Variants in BOD1L1 observed in about 807,000 individuals in gnomAD.
BOD1L1 encodes the protein biorientation of chromosomes in cell division 1 like 1, also known as biorientation of chromosomes in cell division protein 1-like 1.
BOD1L1 carries 86 observed loss-of-function variants against 240.7 expected under a neutral mutation model. The observed-to-expected ratio is 0.36, with a 90% CI of 0.30 to 0.43. The LOEUF (loss-of-function observed/expected upper bound fraction) is 0.43. Among genes scored for constraint, BOD1L1 ranks in the 20% least tolerant of loss-of-function variants. The pLI, the probability that BOD1L1 is intolerant of heterozygous loss-of-function variation, is 1.00. For missense variants in BOD1L1, 3,554 were observed against 3,643.5 expected, an observed-to-expected ratio of 0.98 and a Z score of 0.63; for synonymous variants, 1,268 against 1,272.3, an observed-to-expected ratio of 1.00 and a Z score of 0.07.
chr4:13,608,734 T>C (rs1715927084), intron 7 of BOD1L1, 66 bp from the exon 8 acceptor site: 1 of 1,287,004 alleles, frequency 7.8e-7, no homozygotes, highest in Non-Finnish European at 1.0e-6. Flanking sequence ...ATATTAATTT[T>C]TCATTAAGAT....
At position 13,602,352 on chromosome 4, in the gene BOD1L1, A is replaced by G. The variant is rs1715264186; in HGVS notation, c.4548T>C (p.Ser1516=). 1.2e-6 allele frequency: 2 copies of G among 1,613,854 alleles called. No individual in the cohort carries two copies. The highest frequency in any genetic ancestry group is 2.7e-5 in the African/African-American group (2 of 74,914). Residue 1516 remains serine, a synonymous_variant, in exon 10 of 26, where the codon TCT becomes TCC. Coordinates refer to ENST00000040738, the MANE Select transcript of BOD1L1 (RefSeq NM_148894.3). The part of the protein sequence containing the change: ...ATGPRRAEKT[S]VATSTEGKDK... ...CCTTCCCTTCAGTACTAGTGGCAAC[A>G]GAAGTCTTTTCTGCTCTCCTAGGCC...
At position 13,576,765 on chromosome 4, in the gene BOD1L1, C is replaced by T. The variant is rs1250144799; in HGVS notation, c.9038+73G>A. ...GAATGATTCAGTTCAAAGAGAATCC[C>T]AGAAAACCCAGAGCAATTTTCAGAT... is the stretch of plus-strand genomic sequence containing the variant. On this transcript the variant is annotated intron_variant, in intron 25 of 25. Transcript: ENST00000040738. The T allele has an allele frequency of 2.0e-6, 3 of 1,525,724 alleles. No homozygotes were observed. The African/African-American group carries it at 4.2e-5, about 21-fold the overall frequency. The allele number at this position is 1,525,724 out of a possible 1,614,324, so 94.5% of individuals were successfully genotyped here. A position where few individuals can be genotyped will look rare whatever the true frequency, so the allele number is the denominator to read the frequency against.
chr4:13,577,323 T>A, intron 24 of BOD1L1, 80 bp downstream of exon 24: 1 of 1,210,972 alleles, frequency 8.3e-7, no homozygotes, highest in Non-Finnish European at 1.2e-6. Context: ...CCCATTGGAT[T>A]TTTCCTCATT....
rs889351246 is a variant in BOD1L1 at position 13,602,257 on chromosome 4, C to T, written c.4643G>A (p.Ser1548Asn). The T allele has an allele frequency of 1.2e-6, 2 of 1,613,978 alleles. No individual in the cohort carries two copies. The highest frequency in any genetic ancestry group is 1.1e-5 in the South Asian group (1 of 91,072). ...GCTGGTGCAAGGCAAAGCCACCTCA[C>T]TTTGTCTTGTTTCTGAAGAAGTGGT... ...ATTTSSETRQ[S>N]EVALPCTSIE... Residue 1548 changes from serine (S) to asparagine (N), a missense_variant, in exon 10 of 26, where the codon AGT becomes AAT. Ser to Asn is a conservative substitution (Grantham distance 46). Transcript: ENST00000040738.
chr4:13,615,588 C>A, intron 2 of BOD1L1, 86 bp from the exon 3 acceptor site: 1 of 1,231,356 alleles, frequency 8.1e-7, no homozygotes, highest in South Asian at 1.6e-5. Context: ...TACAATCTGT[C>A]ATCTATCTAT....
chr4:13,611,012 G>C lies in BOD1L1; in HGVS notation c.1413C>G (p.Val471=). ...GKTKSVRHAY[V]HKPYLYSKYY... ...ATTTTGAGTAAAGATATGGTTTGTG[G>C]ACATACGCATGCCGTACACTTTTTG... The change falls in exon 6 of 26, where the codon GTC becomes GTG. Residue 471 remains valine (V), a synonymous_variant. Transcript: ENST00000040738. 6.2e-7 allele frequency: 1 copy of C among 1,612,340 alleles called. No homozygotes were observed. The highest frequency in any genetic ancestry group is 8.5e-7 in the Non-Finnish European group (1 of 1,178,720).
chr4:13,601,704 T>G lies in BOD1L1; in HGVS notation c.5196A>C (p.Ala1732=). The change falls in exon 10 of 26, where the codon GCA becomes GCC. Residue 1732 remains alanine, a synonymous_variant. Transcript: ENST00000040738. Reference sequence around the variant, plus strand: ...TCACAAAGTTATCACTTCTGCCTTCTGCTCCTGTACATGTCACAGTGCCCT... The same window carrying G: ...TCACAAAGTTATCACTTCTGCCTTCGGCTCCTGTACATGTCACAGTGCCCT... ...ETEGTVTCTG[A]EGRSDNFVIC... The G allele has an allele frequency of 6.2e-7, 1 of 1,614,042 alleles. No homozygotes were observed. The highest frequency in any genetic ancestry group is 8.5e-7 in the Non-Finnish European group (1 of 1,179,896).
Position 13,615,354 on chromosome 4 carries a change from C to G in BOD1L1, c.517G>C (p.Ala173Pro), listed in dbSNP as rs1716504282. 7 of 1,613,120 alleles carry G rather than the reference C, an allele frequency of 4.3e-6. No homozygotes were observed. The African/African-American group carries it at 8.0e-5, about 18-fold the overall frequency. ...NHKEEGSGNTAPDDEKPDTSL... is the reference protein window; with the variant it reads ...NHKEEGSGNTPPDDEKPDTSL... ...GTGTCTGGTTTCTCATCATCGGGAG[C>G]TGTGTTGCCACTTCCTTCCTCTTTG... The change falls in exon 3 of 26, where the codon GCT becomes CCT. Residue 173 changes from alanine (A) to proline (P), a missense_variant. Transcript: ENST00000040738.
At chr4:13,575,895 C>CTTTTTTTTTTT (rs35101769) in intron 25 of BOD1L1, among the ~76,000 whole-genome samples, 1 of 119,256 alleles carries the variant, frequency 8.4e-6, no homozygotes, top group African/African-American at 3.1e-5. Context: ...TTGCCAAACC[C>CTTTTTTTTTTT]TTTTTTTTTT....
At position 13,569,906 on chromosome 4, in the gene BOD1L1, C is replaced by G. The variant is rs757557330; in HGVS notation, c.*105G>C. 1 of 729,012 alleles carries G rather than the reference C, an allele frequency of 1.4e-6. No individual in the cohort carries two copies. The highest frequency in any genetic ancestry group is 2.0e-6 in the Non-Finnish European group (1 of 488,830). 45.2% of individuals were successfully genotyped at this position (729,012 alleles called of 1,614,324 possible). ...AGCTTGCACCTAGGGACTTACAGCA[C>G]ATGCATATCTTTTTCCTGGTTAAAG... On this transcript the variant is annotated 3_prime_UTR_variant, in exon 26 of 26. Transcript: ENST00000040738.
rs779159215 is a variant in BOD1L1, at chr4:13,604,284, C to T, written c.2616G>A (p.Ser872=). The T allele has an allele frequency of 6.2e-6, 10 of 1,606,878 alleles. No individual in the cohort carries two copies. The highest frequency in any genetic ancestry group is 2.2e-5 in the East Asian group (1 of 44,840). The change falls in exon 10 of 26, where the codon TCG becomes TCA. Residue 872 remains serine (S), a synonymous_variant. Transcript: ENST00000040738. ...TGGAGTCCATATCACACTTATCTTC[C>T]GAATAACTTTCACTTCTTCTCTGTA... is the stretch of plus-strand genomic sequence containing the variant. ...ITLQRRSESY[S]EDKCDMDSTN... is the part of the protein sequence containing the mutation.
At chr4:13,588,695 C>A (rs1372882572) in intron 15 of BOD1L1, 27 bp downstream of exon 15, 1 of 1,529,066 alleles carries the variant, frequency 6.5e-7, no homozygotes, top group Non-Finnish European at 8.9e-7. Context: ...TATAAAATAT[C>A]AAACACTTGA....
In BOD1L1 at chr4:13,568,840, A is replaced by C. The variant is rs564797978; in HGVS notation, c.*1171T>G. 9 of 152,272 alleles carry C rather than the reference A, an allele frequency of 5.9e-5. No individual in the cohort carries two copies. The East Asian group carries it at 9.7e-4, about 16-fold the overall frequency. 9.4% of individuals were successfully genotyped at this position (152,272 alleles called of 1,614,324 possible). A position where few individuals can be genotyped will look rare whatever the true frequency, so the allele number is the denominator to read the frequency against. ...ATTAAGAGTCAAAATAAAAAAAAAA[A>C]CCCATACACACTGAATGTAAATTTT... On this transcript the variant is annotated 3_prime_UTR_variant, in exon 26 of 26. Coordinates refer to ENST00000040738, the MANE Select transcript of BOD1L1 (RefSeq NM_148894.3).
Position 13,600,295 on chromosome 4 carries a change from T to C in BOD1L1, c.6605A>G (p.Glu2202Gly), listed in dbSNP as rs1242654604. ...GPMPSAPPEA[E>G]SPLASTSKEE... ...CTTGCTGGTTGAGGCAAGAGGACTTTCAGCTTCTGGGGGCGCACTGGGCAT... is the reference window on the plus strand; with the variant it reads ...CTTGCTGGTTGAGGCAAGAGGACTTCCAGCTTCTGGGGGCGCACTGGGCAT... Residue 2202 changes from glutamate (E) to glycine (G), a missense_variant, in exon 10 of 26, where the codon GAA (glutamate) becomes GGA (glycine). Coordinates refer to ENST00000040738, the MANE Select transcript of BOD1L1 (RefSeq NM_148894.3). The C allele has an allele frequency of 6.2e-7, 1 of 1,613,938 alleles. No homozygotes were observed. Among genetic ancestry groups the C allele is most frequent in the African/African-American group, 1.3e-5 (1 of 74,948 alleles).
Position 13,569,948 on chromosome 4 carries a change from C to A in BOD1L1, c.*63G>T. The A allele has an allele frequency of 3.2e-6, 4 of 1,256,848 alleles. No individual in the cohort carries two copies. The highest frequency in any genetic ancestry group is 1.8e-5 in the South Asian group (1 of 55,982). The allele number at this position is 1,256,848 out of a possible 1,614,324, so 77.9% of individuals were successfully genotyped here. ...TGGTTAAAGAGAAGCCTATGGCCAC[C>A]AAGGCATGTCTCTTTCCTCTCCACC... On this transcript the variant is annotated 3_prime_UTR_variant, in exon 26 of 26. Coordinates refer to ENST00000040738, the MANE Select transcript of BOD1L1 (RefSeq NM_148894.3).
At chr4:13,591,473 G>C (rs985944504) in intron 13 of BOD1L1, among the ~76,000 whole-genome samples, 2 of 152,080 alleles carry the variant, frequency 1.3e-5, no homozygotes, top group African/African-American at 4.8e-5. Flanking sequence ...AAGACAGAAA[G>C]ACCAAAAACA....
At chr4:13,609,744 T>C (rs184224406) in intron 6 of BOD1L1, among the ~76,000 whole-genome samples, 7 of 152,322 alleles carry the variant, frequency 4.6e-5, no homozygotes, top group Admixed American at 3.9e-4. Flanking sequence ...ATGATAGCTG[T>C]GAAAATATCT....
At chr4:13,574,326 T>C (rs907114936) in intron 25 of BOD1L1, among the ~76,000 whole-genome samples, 8 of 151,590 alleles carry the variant, frequency 5.3e-5, no homozygotes, top group Non-Finnish European at 8.8e-5. Flanking sequence ...CTCAGACAAT[T>C]TGTAAAATTA....
In BOD1L1 at chr4:13,601,880, C is replaced by T. The variant is rs745820553; in HGVS notation, c.5020G>A (p.Val1674Ile). 2 of 1,613,902 alleles carry T rather than the reference C, an allele frequency of 1.2e-6. No individual in the cohort carries two copies. The highest frequency in any genetic ancestry group is 2.7e-5 in the African/African-American group (2 of 74,938). ...CTAATAAAAGTAATAGTTCCTTCAA[C>T]TATTTCTGAGTCTCTACTTAAAGAA... ...DGSLSRDSEI[V>I]EGTITFISEV... Residue 1674 changes from valine to isoleucine, a missense_variant, in exon 10 of 26, where the codon GTT becomes ATT. By Grantham distance (29) the Val-to-Ile change is conservative. Around this residue, in one of 2 missense-constraint regions of BOD1L1, gnomAD observed 3,393 missense variants for 3,427.1 expected, o/e 0.99. Coordinates refer to ENST00000040738, the MANE Select transcript of BOD1L1 (RefSeq NM_148894.3).
Sources: allele counts gnomAD v4.1 joint callset (sites outside exome capture counted in the v4.1 genomes callset), GRCh38; gene constraint gnomAD v4.1.1; regional missense constraint gnomAD v4.1.1; transcripts MANE v1.5; gene names NCBI Gene and HGNC (gene_info 2026-07-23, HGNC 2026-07-21).